SNTG2: variants seen among roughly 807,000 people sequenced by gnomAD.
SNTG2 encodes the protein syntrophin gamma 2.
A neutral mutation model predicts 70.9 loss-of-function variants in SNTG2; 74 were observed. The observed-to-expected ratio is 1.04, with a 90% CI of 0.86 to 1.27. SNTG2 has a LOEUF of 1.27. Among genes scored for constraint, SNTG2 ranks in the 50% most tolerant of loss-of-function variants. The probability of loss-of-function intolerance (pLI) is 0.00; values close to 1 mark genes in which losing one functional copy is unlikely to be tolerated. For synonymous variants in SNTG2, 278 were observed against 273.8 expected (o/e 1.02, Z -0.15); for missense variants, 717 against 690.7 (o/e 1.04, Z -0.43).
chr2:1,307,463 G>A (rs1680749495), intron 14 of SNTG2, among the ~76,000 whole-genome samples: 2 of 150,896 alleles, frequency 1.3e-5, no homozygotes, highest in African/African-American at 4.9e-5. Flanking sequence ...GTGTGTATGC[G>A]AGAGAGAGAA....
At chr2:1,300,087 C>T (rs563191155) in intron 14 of SNTG2, among the ~76,000 whole-genome samples, 1 of 151,906 alleles carries the variant, frequency 6.6e-6, no homozygotes, top group African/African-American at 2.4e-5. Flanking sequence ...TAAATGAGGG[C>T]ACTATTACCA....
chr2:1,283,450 T>C (rs2148210924), intron 14 of SNTG2, among the ~76,000 whole-genome samples: 1 of 152,298 alleles, frequency 6.6e-6, no homozygotes, highest in African/African-American at 2.4e-5. Flanking sequence ...ACTGCCCAGT[T>C]ACAAATTAGT....
intron 14 of SNTG2, among the ~76,000 whole-genome samples, chr2:1,269,389 C>T (rs1033045244): frequency 1.3e-5 from 2 of 152,086 alleles, no homozygotes; most frequent in Admixed American, 6.5e-5. Context: ...GGCATGGTAG[C>T]TGATGCCTGT....
intron 9 of SNTG2, among the ~76,000 whole-genome samples, chr2:1,223,532 A>C (rs1675510997): frequency 6.6e-6 from 1 of 152,208 alleles, no homozygotes; most frequent in Non-Finnish European, 1.5e-5. Context: ...CTGTGGCCAG[A>C]GTCATTTTAC....
chr2:1,365,426 A>C (rs550472178), intron 16 of SNTG2, among the ~76,000 whole-genome samples: 1 of 152,352 alleles, frequency 6.6e-6, no homozygotes, highest in African/African-American at 2.4e-5. Context: ...ACTTAATTCA[A>C]ATTGGAATAA....
chr2:1,265,739 C>T (rs1247710997), intron 13 of SNTG2, among the ~76,000 whole-genome samples: 1 of 152,218 alleles, frequency 6.6e-6, no homozygotes, highest in Non-Finnish European at 1.5e-5. Flanking sequence ...GACTGTCCAG[C>T]TTGGCTGGTT....
At chr2:1,168,617 A>T (rs1483635753) in intron 7 of SNTG2, among the ~76,000 whole-genome samples, 1 of 152,212 alleles carries the variant, frequency 6.6e-6, no homozygotes, top group Non-Finnish European at 1.5e-5. Flanking sequence ...CCAGGAACAA[A>T]TCCATTTCAG....
At chr2:1,253,459 A>G (rs1465204720) in intron 12 of SNTG2, among the ~76,000 whole-genome samples, 1 of 152,222 alleles carries the variant, frequency 6.6e-6, no homozygotes, top group Non-Finnish European at 1.5e-5. Context: ...AGCCCTCACT[A>G]TGCAATAATG....
intron 14 of SNTG2, among the ~76,000 whole-genome samples, chr2:1,271,862 T>TG: frequency 6.6e-6 from 1 of 152,080 alleles, no homozygotes; most frequent in Non-Finnish European, 1.5e-5. Context: ...CACCATTGGC[T>TG]AATTGGCTTC....
chr2:1,215,432 C>G (rs528273664), intron 9 of SNTG2, among the ~76,000 whole-genome samples: 3 of 152,070 alleles, frequency 2.0e-5, no homozygotes, highest in Admixed American at 6.5e-5. Context: ...ATCTCCTTAC[C>G]TGTTATTAGT....
intron 15 of SNTG2, among the ~76,000 whole-genome samples, chr2:1,312,383 G>A (rs1276415882): frequency 6.6e-6 from 1 of 152,156 alleles, no homozygotes; most frequent in African/African-American, 2.4e-5. Context: ...GATTAGCACT[G>A]ACTTCCCTCC....
At chr2:1,182,106 G>C (rs1671943290) in intron 8 of SNTG2, among the ~76,000 whole-genome samples, 1 of 152,152 alleles carries the variant, frequency 6.6e-6, no homozygotes, top group African/African-American at 2.4e-5. Flanking sequence ...TTGTGCGCAT[G>C]TGCAAAAATG....
chr2:1,167,276 G>A (rs1038600082), intron 7 of SNTG2, among the ~76,000 whole-genome samples: 23 of 147,362 alleles, frequency 1.6e-4, no homozygotes, highest in Admixed American at 2.0e-4. Context: ...GCCCACAGAC[G>A]GCAGAACTGA....
chr2:1,176,368 G>C (rs1671477292), intron 8 of SNTG2, among the ~76,000 whole-genome samples: 1 of 152,140 alleles, frequency 6.6e-6, no homozygotes, highest in Non-Finnish European at 1.5e-5. Flanking sequence ...TAATACCTGG[G>C]TAAAGAAATA....
intron 11 of SNTG2, among the ~76,000 whole-genome samples, chr2:1,246,520 C>T (rs1485684074): frequency 6.6e-6 from 1 of 152,174 alleles, no homozygotes; most frequent in Non-Finnish European, 1.5e-5. Flanking sequence ...CTTTTAATAG[C>T]TCATCGGTCA....
chr2:953,014 C>G (rs1660029158), intron 1 of SNTG2, among the ~76,000 whole-genome samples: 1 of 152,162 alleles, frequency 6.6e-6, no homozygotes, highest in Non-Finnish European at 1.5e-5. Context: ...AAAGTCTTTT[C>G]TAAATCTTAT....
intron 4 of SNTG2, among the ~76,000 whole-genome samples, chr2:1,119,150 C>T (rs995054242): frequency 6.6e-5 from 10 of 151,966 alleles, no homozygotes; most frequent in African/African-American, 2.4e-4. Flanking sequence ...ACACAAAAAC[C>T]ATTAGCTAAG....
At chr2:993,454 T>C (rs1348321177) in intron 1 of SNTG2, among the ~76,000 whole-genome samples, 1 of 152,174 alleles carries the variant, frequency 6.6e-6, no homozygotes, top group East Asian at 1.9e-4. Flanking sequence ...ATATAAATAA[T>C]GATGCTGTAA....
At chr2:992,665 A>G (rs1414873735) in intron 1 of SNTG2, among the ~76,000 whole-genome samples, 1 of 152,158 alleles carries the variant, frequency 6.6e-6, no homozygotes, top group Non-Finnish European at 1.5e-5. Flanking sequence ...TCCACATTGC[A>G]TTTCATATGT....
Sources: gnomAD v4.1 joint callset for allele counts (sites outside exome capture counted in the v4.1 genomes callset) on GRCh38, gnomAD v4.1.1 for gene constraint, MANE v1.5 for transcripts, NCBI Gene and HGNC (gene_info 2026-07-23, HGNC 2026-07-21) for gene names.